Variants in CUL5 observed in about 807,000 individuals in gnomAD.
CUL5 encodes cullin-5.
CUL5 carries 26 observed loss-of-function variants against 108.8 expected under a neutral mutation model. The observed-to-expected ratio is 0.24, with a 90% confidence interval of 0.18 to 0.33. The LOEUF (loss-of-function observed/expected upper bound fraction) is 0.33, where lower values mean the gene tolerates loss of function less well. Among genes scored for constraint, CUL5 ranks in the 10% least tolerant of loss-of-function variants. CUL5 has a pLI of 1.00. For missense variants in CUL5, 524 were observed against 909.2 expected, an observed-to-expected ratio of 0.58 and a Z score of 5.45; for synonymous variants, 334 against 298.0, an observed-to-expected ratio of 1.12 and a Z score of -1.25.
intron 7 of CUL5, among the ~76,000 whole-genome samples, chr11:108,069,530 T>G (rs1049810749): frequency 6.6e-6 from 1 of 152,084 alleles, no homozygotes; most frequent in Non-Finnish European, 1.5e-5. Context: ...TAGAAAAAAG[T>G]AGTTTCTAAG....
At chr11:108,078,285 T>A in intron 11 of CUL5, 45 bp downstream of exon 11, 1 of 1,120,534 alleles carries the variant, frequency 8.9e-7, no homozygotes, top group Non-Finnish European at 1.3e-6. Context: ...AAATTTTCTT[T>A]AGTGTAATAG....
At chr11:108,048,809 G>A (rs1863135317) in intron 3 of CUL5, among the ~76,000 whole-genome samples, 1 of 151,824 alleles carries the variant, frequency 6.6e-6, no homozygotes, top group Non-Finnish European at 1.5e-5. Context: ...TGAGATTACA[G>A]GCGCATGCCA....
chr11:108,053,443 A>G (rs1863287654), intron 5 of CUL5, among the ~76,000 whole-genome samples: 1 of 152,156 alleles, frequency 6.6e-6, no homozygotes, highest in African/African-American at 2.4e-5. Context: ...GCTTTTCTTC[A>G]TGGCCCCCAT....
chr11:108,087,189 T>C (rs902643131), intron 11 of CUL5, among the ~76,000 whole-genome samples: 9 of 152,328 alleles, frequency 5.9e-5, no homozygotes, highest in African/African-American at 2.2e-4. Context: ...GACATACATT[T>C]ATACAAATAA....
intron 3 of CUL5, among the ~76,000 whole-genome samples, chr11:108,048,525 C>T (rs12273997): frequency 7.6e-4 from 115 of 152,234 alleles, no homozygotes; most frequent in African/African-American, 2.7e-3. Flanking sequence ...AAAGTGGAAT[C>T]TACAATACCT....
intron 5 of CUL5, among the ~76,000 whole-genome samples, chr11:108,053,678 C>CTTTTT (rs35844502): frequency 7.7e-6 from 1 of 129,342 alleles, no homozygotes; most frequent in African/African-American, 2.9e-5. Flanking sequence ...GTATACCATG[C>CTTTTT]TTTTTTTTTT....
chr11:108,042,778 T>C (rs1463828365), intron 2 of CUL5, among the ~76,000 whole-genome samples: 2 of 152,120 alleles, frequency 1.3e-5, no homozygotes, highest in Non-Finnish European at 2.9e-5. Flanking sequence ...TTTTTTCTTT[T>C]TTGAGACAGA....
At chr11:108,058,096 C>T (rs1401047196) in intron 7 of CUL5, among the ~76,000 whole-genome samples, 1 of 150,202 alleles carries the variant, frequency 6.7e-6, no homozygotes, top group Non-Finnish European at 1.5e-5. Flanking sequence ...GTAATCCCAG[C>T]TACTCAGGAG....
At chr11:108,020,591 A>G (rs1330578133) in intron 1 of CUL5, among the ~76,000 whole-genome samples, 4 of 150,882 alleles carry the variant, frequency 2.7e-5, no homozygotes, top group African/African-American at 4.9e-5. Flanking sequence ...CACGTTGCCC[A>G]GGCTGGTCTC....
intron 1 of CUL5, among the ~76,000 whole-genome samples, chr11:108,031,441 T>G (rs1862581368): frequency 6.6e-6 from 1 of 152,128 alleles, no homozygotes; most frequent in Non-Finnish European, 1.5e-5. Context: ...TACATTTAAG[T>G]CTTTAATCCA....
chr11:108,038,225 T>C (rs957771606), intron 2 of CUL5, among the ~76,000 whole-genome samples: 3 of 119,658 alleles, frequency 2.5e-5, no homozygotes, highest in Non-Finnish European at 6.0e-5. Context: ...TTGTTGTTAA[T>C]GTTGTTTTTG....
At chr11:108,067,951 G>A (rs890948259) in intron 7 of CUL5, among the ~76,000 whole-genome samples, 2 of 151,428 alleles carry the variant, frequency 1.3e-5, no homozygotes, top group African/African-American at 4.9e-5. Context: ...TTTTTGAGAC[G>A]GAGTTTTGCT....
rs2135087858 is a variant in CUL5, at chr11:108,033,792, T to G, written c.25-10T>G. On this transcript the variant is annotated splice_polypyrimidine_tract_variant and intron_variant, in intron 1 of 18. Coordinates refer to ENST00000393094, the MANE Select transcript of CUL5 (RefSeq NM_003478.6). Reference sequence around the variant, plus strand: ...AAATTAAACTCCCTTTTATCTTTTTTTTTTTCAAGAATAAAGGTTCTCTTC... The same window carrying G: ...AAATTAAACTCCCTTTTATCTTTTTGTTTTTCAAGAATAAAGGTTCTCTTC... The G allele has an allele frequency of 6.6e-7, 1 of 1,524,804 alleles. No homozygotes were observed. Among genetic ancestry groups the G allele is most frequent in the Non-Finnish European group, 8.9e-7 (1 of 1,118,180 alleles). 94.5% of individuals were successfully genotyped at this position (1,524,804 alleles called of 1,614,324 possible).
At chr11:108,077,631 A>AG (rs1863973427) in intron 10 of CUL5, among the ~76,000 whole-genome samples, 1 of 29,442 alleles carries the variant, frequency 3.4e-5, no homozygotes, top group Non-Finnish European at 1.2e-4. Flanking sequence ...CTCTGTCTCC[A>AG]AAAAAAAAAA....
chr11:108,098,993 C>G (rs1005600323), intron 18 of CUL5, among the ~76,000 whole-genome samples: 1 of 141,162 alleles, frequency 7.1e-6, no homozygotes, highest in Non-Finnish European at 1.5e-5. Context: ...TTTGAAACTT[C>G]TGGCCAGTGT....
At chr11:108,071,739 G>A (rs1319442644) in intron 8 of CUL5, among the ~76,000 whole-genome samples, 5 of 151,754 alleles carry the variant, frequency 3.3e-5, no homozygotes, top group African/African-American at 4.8e-5. Flanking sequence ...TTTGTGTAAC[G>A]ATGGGTTTTG....
intron 1 of CUL5, among the ~76,000 whole-genome samples, chr11:108,025,720 A>G (rs1410474081): frequency 6.6e-6 from 1 of 152,100 alleles, no homozygotes; most frequent in Non-Finnish European, 1.5e-5. Flanking sequence ...ACACCCAGGT[A>G]CAGGTTAGTA....
intron 2 of CUL5, among the ~76,000 whole-genome samples, chr11:108,036,164 T>C (rs1297153901): frequency 6.6e-6 from 1 of 152,230 alleles, no homozygotes. Context: ...GTGTATTTCT[T>C]CCATCTGGAG....
At position 108,009,038 on chromosome 11, in the gene CUL5, T is replaced by C; in HGVS notation, c.-311T>C. ...GAAGGAGTCGGGGAGGCTCGTGGAG[T>C]CGATGCTTCCTCTTCCAAGTCAGGT... On this transcript the variant is annotated 5_prime_UTR_variant, in exon 1 of 19. Coordinates refer to ENST00000393094, the MANE Select transcript of CUL5 (RefSeq NM_003478.6). The C allele has an allele frequency of 2.3e-6, 1 of 438,794 alleles. No homozygotes were observed. Among genetic ancestry groups the C allele is most frequent in the Non-Finnish European group, 4.1e-6 (1 of 244,906 alleles). The allele number at this position is 438,794 out of a possible 1,614,324, so 27.2% of individuals were successfully genotyped here. A position where few individuals can be genotyped will look rare whatever the true frequency, so the allele number is the denominator to read the frequency against.
Sources: gnomAD v4.1 joint callset for allele counts (sites outside exome capture counted in the v4.1 genomes callset) on GRCh38, gnomAD v4.1.1 for gene constraint, MANE v1.5 for transcripts, NCBI Gene and HGNC (gene_info 2026-07-23, HGNC 2026-07-21) for gene names.